NSUN4: variants seen among roughly 807,000 people sequenced by gnomAD.
The protein encoded by NSUN4 is 5-cytosine rRNA methyltransferase NSUN4.
Under a neutral mutation model 43.8 loss-of-function variants are expected in NSUN4, and 31 were observed. The ratio of observed to expected loss-of-function variants is 0.71; its 90% CI spans 0.53 to 0.96. NSUN4 has a LOEUF of 0.96. NSUN4 is among the 40% of genes least tolerant of loss of function. The pLI is 0.00. For missense variants in NSUN4, 439 were observed against 475.6 expected (o/e 0.92, Z 0.72); for synonymous variants, 167 against 184.1 (o/e 0.91, Z 0.75).
intron 4 of NSUN4, among the ~76,000 whole-genome samples, chr1:46,359,247 CA>C (rs1401307813): frequency 6.6e-6 from 1 of 151,754 alleles, no homozygotes; most frequent in East Asian, 1.9e-4. Flanking sequence ...GTGACAGAGC[CA>C]GACTCCATCC....
At chr1:46,341,302 C>T (rs1662086763) in intron 1 of NSUN4, 62 of 1,009,378 alleles carry the variant, frequency 6.1e-5, no homozygotes, top group Non-Finnish European at 7.3e-5. Context: ...ATGACTTCTC[C>T]TTTCCTCATT....
the NSUN4 span, among the ~76,000 whole-genome samples, chr1:46,374,564 G>C: frequency 4.6e-5 from 7 of 152,072 alleles, no homozygotes; most frequent in East Asian, 1.4e-3. Context: ...AGCTGAGAGG[G>C]CGCCACTGCA....
Sources: gnomAD v4.1 joint callset for allele counts (sites outside exome capture counted in the v4.1 genomes callset) on GRCh38, gnomAD v4.1.1 for gene constraint, MANE v1.5 for transcripts, NCBI Gene and HGNC (gene_info 2026-07-23, HGNC 2026-07-21) for gene names.